The following DLGAP1 variants were observed in gnomAD, a reference collection of about 807,000 sequenced individuals.
DLGAP1 encodes DLG associated protein 1.
In DLGAP1, 11 loss-of-function variants were observed where a neutral mutation model predicts 90.8. The observed-to-expected ratio is 0.12, with a 90% CI of 0.08 to 0.20. The LOEUF is 0.20. Among genes scored for constraint, DLGAP1 ranks in the 10% least tolerant of loss-of-function variants. DLGAP1 has a pLI of 1.00. For missense variants in DLGAP1, 1,050 were observed against 1,333.8 expected, an observed-to-expected ratio of 0.79 and a Z score of 3.31; for synonymous variants, 558 against 540.7, an observed-to-expected ratio of 1.03 and a Z score of -0.44.
rs558863707 is a variant in DLGAP1, at chr18:4,363,254, C to T, written c.-267+91752G>A. 3.3e-5 allele frequency among the ~76,000 whole-genome samples: 5 copies of T among 152,318 alleles called. 1 individual carries two copies. Among genetic ancestry groups the T allele is most frequent in the African/African-American group, 1.2e-4 (5 of 41,560 alleles). On this transcript the variant is annotated intron_variant, in intron 1 of 12. Transcript: ENST00000315677. The stretch of plus-strand genomic sequence containing the variant: ...CAAGGAAGGGCCCGGGCTATCCACA[C>T]ATCCCTGATTGCATGTGAGTGCTCG...
intron 5 of DLGAP1, among the ~76,000 whole-genome samples, chr18:3,780,119 T>TA (rs1175645728): frequency 1.3e-5 from 2 of 152,036 alleles, no homozygotes; most frequent in Admixed American, 6.6e-5. Context: ...CCCACAGGCT[T>TA]AAAAAAAATT....
chr18:3,613,015 G>A (rs2057704654), intron 7 of DLGAP1, among the ~76,000 whole-genome samples: 1 of 151,886 alleles, frequency 6.6e-6, no homozygotes, highest in Non-Finnish European at 1.5e-5. Flanking sequence ...TAATTTTTTT[G>A]TATTTTTAGT....
intron 1 of DLGAP1, among the ~76,000 whole-genome samples, chr18:4,337,579 T>C (rs1287812272): frequency 1.3e-5 from 2 of 152,154 alleles, no homozygotes; most frequent in Non-Finnish European, 2.9e-5. Flanking sequence ...TAGAGAGAAA[T>C]ATTTTAGCTC....
At chr18:3,893,915 A>G (rs997300477) in intron 3 of DLGAP1, among the ~76,000 whole-genome samples, 36 of 152,008 alleles carry the variant, frequency 2.4e-4, no homozygotes, top group Non-Finnish European at 1.3e-4. Flanking sequence ...AGCCATTTTG[A>G]CTGGTGTAAG....
At chr18:3,616,947 C>A (rs2057896019) in intron 7 of DLGAP1, among the ~76,000 whole-genome samples, 1 of 152,134 alleles carries the variant, frequency 6.6e-6, no homozygotes. Context: ...GCCCAGCTGT[C>A]CTGAGGCTGC....
chr18:4,115,830 T>A (rs2076055305), intron 2 of DLGAP1, among the ~76,000 whole-genome samples: 1 of 152,192 alleles, frequency 6.6e-6, no homozygotes, highest in Non-Finnish European at 1.5e-5. Flanking sequence ...ACTGTTTTTG[T>A]CAAAAATATT....
intron 4 of DLGAP1, among the ~76,000 whole-genome samples, chr18:3,870,297 CAT>C (rs2070665178): frequency 6.6e-6 from 1 of 152,164 alleles, no homozygotes; most frequent in African/African-American, 2.4e-5. Flanking sequence ...AGTGGCCATA[CAT>C]ATATATGATT....
intron 1 of DLGAP1, among the ~76,000 whole-genome samples, chr18:4,410,042 G>A (rs2082743160): frequency 6.6e-6 from 1 of 152,170 alleles, no homozygotes. Flanking sequence ...TATTCTAAGT[G>A]AAGTAACTCA....
intron 3 of DLGAP1, among the ~76,000 whole-genome samples, chr18:3,917,972 T>C (rs888570836): frequency 2.6e-5 from 4 of 152,324 alleles, no homozygotes; most frequent in East Asian, 3.9e-4. Context: ...AAGGAGCCGC[T>C]GTACCCCACT....
In DLGAP1 at chr18:4,348,970, T is replaced by C. The variant is rs959187445; in HGVS notation, c.-267+106036A>G. 4.6e-5 allele frequency among the ~76,000 whole-genome samples: 7 copies of C among 152,204 alleles called. No homozygotes were observed. The South Asian group carries it at 1.5e-3, about 32-fold the overall frequency. On this transcript the variant is annotated intron_variant, in intron 1 of 12. Transcript: ENST00000315677. ...CTCACAAACACAGTGGTAAGAATCA[T>C]TGATGGAAGCTAAAATTTGTGGGCA... is the stretch of plus-strand genomic sequence containing the variant.
chr18:4,021,392 CTCTT>C (rs1479026680), intron 2 of DLGAP1, among the ~76,000 whole-genome samples: 1 of 151,998 alleles, frequency 6.6e-6, no homozygotes, highest in East Asian at 1.9e-4. Context: ...CCCACTGTCT[CTCTT>C]TCTCTCTTGC....
chr18:3,524,816 T>A (rs922625187), intron 10 of DLGAP1, among the ~76,000 whole-genome samples: 2 of 152,212 alleles, frequency 1.3e-5, no homozygotes, highest in East Asian at 3.9e-4. Flanking sequence ...CATTTACGAG[T>A]GTGTCCTTGC....
intron 2 of DLGAP1, among the ~76,000 whole-genome samples, chr18:4,091,112 G>A (rs1280484370): frequency 6.6e-6 from 1 of 152,174 alleles, no homozygotes; most frequent in African/African-American, 2.4e-5. Context: ...GGTAGGGAGA[G>A]CATCAGGACA....
chr18:3,688,772 T>G (rs1047393256), intron 7 of DLGAP1, among the ~76,000 whole-genome samples: 4 of 151,856 alleles, frequency 2.6e-5, no homozygotes, highest in African/African-American at 9.7e-5. Flanking sequence ...TCCCCCTCCC[T>G]CCTCGTGGAT....
chr18:4,254,988 G>T (rs745947286), intron 1 of DLGAP1, among the ~76,000 whole-genome samples: 1 of 152,192 alleles, frequency 6.6e-6, no homozygotes, highest in Non-Finnish European at 1.5e-5. Flanking sequence ...AGAGGCCAAG[G>T]GAGAAAGCAT....
chr18:4,405,911 G>T (rs1458571422), intron 1 of DLGAP1, among the ~76,000 whole-genome samples: 1 of 152,160 alleles, frequency 6.6e-6, no homozygotes, highest in Non-Finnish European at 1.5e-5. Context: ...ACTAAAGAAC[G>T]AAGGAATGAA....
chr18:4,236,758 T>C (rs927332524), intron 1 of DLGAP1, among the ~76,000 whole-genome samples: 1 of 152,114 alleles, frequency 6.6e-6, no homozygotes, highest in Non-Finnish European at 1.5e-5. Context: ...TTGTCTTTTC[T>C]AGCTGATTTA....
chr18:4,088,447 G>A (rs1266545286), intron 2 of DLGAP1, among the ~76,000 whole-genome samples: 2 of 152,108 alleles, frequency 1.3e-5, no homozygotes, highest in East Asian at 3.8e-4. Context: ...GTGTGTGTGT[G>A]TGTGTGTCTG....
chr18:3,524,698 C>A (rs2051488098), intron 10 of DLGAP1, among the ~76,000 whole-genome samples: 5 of 152,156 alleles, frequency 3.3e-5, no homozygotes, highest in Admixed American at 2.6e-4. Context: ...GACTGGGTAA[C>A]ATTGTGAGAC....
Sources: gnomAD v4.1 joint callset for allele counts (sites outside exome capture counted in the v4.1 genomes callset) on GRCh38, gnomAD v4.1.1 for gene constraint, MANE v1.5 for transcripts, NCBI Gene and HGNC (gene_info 2026-07-23, HGNC 2026-07-21) for gene names.